The following ZIM2 variants were observed in gnomAD, a reference collection of about 807,000 sequenced individuals.
ZIM2 encodes the protein zinc finger protein 656.
In ZIM2, 14 loss-of-function variants were observed where a neutral mutation model predicts 38.6. That is an observed-to-expected ratio of 0.36 (90% confidence interval 0.24 to 0.57). The LOEUF is 0.57. Among genes scored for constraint, ZIM2 ranks in the 20% least tolerant of loss-of-function variants. The pLI is 0.81. For missense variants in ZIM2, 680 were observed against 695.1 expected (o/e 0.98, Z 0.24); for synonymous variants, 247 against 245.8 (o/e 1.00, Z -0.04).
intron 2 of ZIM2, among the ~76,000 whole-genome samples, chr19:56,830,884 G>T (rs1222802399): frequency 6.6e-6 from 1 of 152,018 alleles, no homozygotes; most frequent in African/African-American, 2.4e-5. Context: ...CTAAGATCAT[G>T]CCCCTGCATT....
chr19:56,797,658 C>T (rs2047300875), intron 9 of ZIM2, among the ~76,000 whole-genome samples: 2 of 152,270 alleles, frequency 1.3e-5, no homozygotes, highest in Non-Finnish European at 2.9e-5. Flanking sequence ...CCTCCTCCTC[C>T]TCTTCCTCCT....
intron 3 of ZIM2, among the ~76,000 whole-genome samples, chr19:56,825,567 C>CTT (rs5828698): frequency 5.9e-5 from 9 of 151,836 alleles, no homozygotes; most frequent in Non-Finnish European, 1.0e-4. Context: ...TCAATCTCTC[C>CTT]TTTTTTTTAT....
At chr19:56,795,341 G>A (rs1250572459) in intron 9 of ZIM2, among the ~76,000 whole-genome samples, 1 of 152,196 alleles carries the variant, frequency 6.6e-6, no homozygotes, top group Non-Finnish European at 1.5e-5. Context: ...TCACGAAGCC[G>A]CGCGCTGCCC....
At chr19:56,800,797 T>C (rs372915618) in intron 9 of ZIM2, among the ~76,000 whole-genome samples, 2 of 150,886 alleles carry the variant, frequency 1.3e-5, no homozygotes, top group Non-Finnish European at 2.9e-5. Context: ...TGTAAGTTCA[T>C]GATCAAGTCT....
intron 1 of ZIM2, among the ~76,000 whole-genome samples, chr19:56,836,873 G>A (rs531595485): frequency 5.3e-5 from 8 of 151,416 alleles, no homozygotes; most frequent in African/African-American, 2.4e-5. Context: ...AAGAGGCTGG[G>A]GTGGGAGAAT....
At chr19:56,784,822 C>T (rs2046513096) in intron 10 of ZIM2, among the ~76,000 whole-genome samples, 1 of 152,022 alleles carries the variant, frequency 6.6e-6, no homozygotes, top group African/African-American at 2.4e-5. Context: ...ACATAAGATC[C>T]CTTGATACTA....
chr19:56,839,742 C>G (rs1028015313), intron 1 of ZIM2, among the ~76,000 whole-genome samples: 1 of 152,218 alleles, frequency 6.6e-6, no homozygotes, highest in African/African-American at 2.4e-5. Flanking sequence ...AGCTTTGCCT[C>G]GCCCCATCTG....
chr19:56,807,945 CCTT>C (rs1173133707), intron 9 of ZIM2, among the ~76,000 whole-genome samples: 1 of 152,164 alleles, frequency 6.6e-6, no homozygotes, highest in Non-Finnish European at 1.5e-5. Flanking sequence ...AGTTATCAGT[CCTT>C]CTAGTAGGAC....
At chr19:56,807,661 C>G (rs1336348733) in intron 9 of ZIM2, among the ~76,000 whole-genome samples, 4 of 152,026 alleles carry the variant, frequency 2.6e-5, no homozygotes, top group Non-Finnish European at 5.9e-5. Flanking sequence ...TGTGGTGGCA[C>G]CTGCCTGTGA....
intron 3 of ZIM2, chr19:56,824,701 A>G (rs770432879): frequency 1.9e-5 from 30 of 1,545,918 alleles, no homozygotes; most frequent in Non-Finnish European, 2.4e-5. Flanking sequence ...ATGAGTCAAC[A>G]GGAAAGACGC....
rs1250035337 is a variant in ZIM2, at chr19:56,814,892, T to C, written c.490+2854A>G. 1 of 1,614,146 alleles carries C rather than the reference T, an allele frequency of 6.2e-7. No individual in the cohort carries two copies. Among genetic ancestry groups the C allele is most frequent in the Admixed American group, 1.7e-5 (1 of 60,030 alleles). On this transcript the variant is annotated intron_variant, in intron 9 of 12. Coordinates refer to ENST00000629319, the MANE Select transcript of ZIM2 (RefSeq NM_001387356.1). The surrounding 1 kb of genome is among the most constrained non-coding windows in gnomAD (Gnocchi z 5.8). The stretch of plus-strand genomic sequence containing the variant: ...GAATACAACTGGTCTTGTTCATGGA[T>C]TCTCTGATGCTCGAAAAGGAATGAG...
intron 1 of ZIM2, among the ~76,000 whole-genome samples, chr19:56,838,403 G>A (rs1026627318): frequency 1.3e-5 from 2 of 152,196 alleles, no homozygotes; most frequent in African/African-American, 4.8e-5. Context: ...GCGGTGAGGG[G>A]CAGTGGAGGT....
intron 5 of ZIM2, 81 bp from the exon 6 acceptor site, chr19:56,822,917 G>A: frequency 1.3e-6 from 2 of 1,528,634 alleles, no homozygotes; most frequent in Non-Finnish European, 1.8e-6. Flanking sequence ...ACACCCCTCT[G>A]GAAAGAGATG....
intron 7 of ZIM2, 126 bp downstream of exon 7, chr19:56,821,525 G>C (rs1002286660): frequency 8.6e-7 from 1 of 1,159,474 alleles, no homozygotes; most frequent in Non-Finnish European, 1.2e-6. Context: ...GCTCCTCCTG[G>C]AGCGCTGGGA....
intron 9 of ZIM2, among the ~76,000 whole-genome samples, chr19:56,802,049 G>A (rs777920504): frequency 1.3e-5 from 2 of 152,168 alleles, no homozygotes; most frequent in Non-Finnish European, 2.9e-5. Flanking sequence ...ATAAGGGGGA[G>A]GATCACTGGA....
At chr19:56,826,581 C>T (rs1196184043) in intron 2 of ZIM2, 118 bp from the exon 3 acceptor site, 2 of 152,194 alleles carry the variant, frequency 1.3e-5, no homozygotes, top group Non-Finnish European at 2.9e-5. Context: ...GGGGTGATGC[C>T]TTCTATACCT....
intron 11 of ZIM2, 77 bp from the exon 12 acceptor site, chr19:56,779,549 G>A (rs2046214136): frequency 1.4e-6 from 2 of 1,409,646 alleles, no homozygotes; most frequent in Admixed American, 1.7e-5. Context: ...GGAATAATAA[G>A]GAAGGAACAA....
chr19:56,791,106 C>T (rs1173183260), intron 9 of ZIM2: 1 of 152,162 alleles, frequency 6.6e-6, no homozygotes, highest in Non-Finnish European at 1.5e-5. Flanking sequence ...AACTCAGTGC[C>T]TCTGGCCAAG....
chr19:56,794,087 G>A lies in ZIM2; in HGVS notation c.491-4136C>T, dbSNP rs530738247. On this transcript the variant is annotated intron_variant, in intron 9 of 12. Coordinates refer to ENST00000629319, the MANE Select transcript of ZIM2 (RefSeq NM_001387356.1). ...AACATTTATTAGCTGTATTATAGTTGTAGGAAAACATCTAGTCATAATATC... is the reference window on the plus strand; with the variant it reads ...AACATTTATTAGCTGTATTATAGTTATAGGAAAACATCTAGTCATAATATC... Among the ~76,000 whole-genome samples, 314 of 152,260 alleles carry A rather than the reference G, an allele frequency of 2.1e-3. 2 individuals are homozygous for A. Among genetic ancestry groups the A allele is most frequent in the Non-Finnish European group, 3.6e-3 (244 of 68,012 alleles).
Sources: gnomAD v4.1 joint callset for allele counts (sites outside exome capture counted in the v4.1 genomes callset) on GRCh38, gnomAD v4.1.1 for gene constraint, Gnocchi (gnomAD v3.1) non-coding constraint, MANE v1.5 for transcripts, NCBI Gene and HGNC (gene_info 2026-07-23, HGNC 2026-07-21) for gene names.